Variants in GRIK4 observed in about 807,000 individuals in gnomAD.
The protein encoded by GRIK4 is glutamate receptor ionotropic, kainate 4.
Under a neutral mutation model 104.9 loss-of-function variants are expected in GRIK4, and 40 were observed. The observed-to-expected ratio is 0.38, with a 90% confidence interval of 0.30 to 0.50. The LOEUF (loss-of-function observed/expected upper bound fraction) is 0.50. GRIK4 is among the 20% of genes least tolerant of loss of function. GRIK4 has a pLI of 0.93. For synonymous variants in GRIK4, 485 were observed against 524.9 expected (o/e 0.92, Z 1.04); for missense variants, 1,047 against 1,308.1 (o/e 0.80, Z 3.08).
intron 13 of GRIK4, chr11:120,936,429 G>A (rs75469535): frequency 0.026 from 6,343 of 244,416 alleles, 426 homozygotes; most frequent in African/African-American, 0.14. Context: ...AGAGATACGG[G>A]TTTCATTTCT....
At chr11:120,936,022 AC>A (rs1206742457) in intron 13 of GRIK4, 26 of 211,172 alleles carry the variant, frequency 1.2e-4, no homozygotes, top group Middle Eastern at 1.7e-3. Flanking sequence ...ATGCTCTAGA[AC>A]CAACTTCGTC....
At chr11:120,793,152 A>G (rs1952433908) in intron 3 of GRIK4, among the ~76,000 whole-genome samples, 1 of 152,184 alleles carries the variant, frequency 6.6e-6, no homozygotes, top group Non-Finnish European at 1.5e-5. Flanking sequence ...GCAAAAATGA[A>G]TATTGATGTT....
At position 120,819,070 on chromosome 11, in the gene GRIK4, A is replaced by G. The variant is rs921037678; in HGVS notation, c.346-685A>G. Among the ~76,000 whole-genome samples the G allele has an allele frequency of 1.3e-5, 2 of 152,222 alleles. No homozygotes were observed. Among genetic ancestry groups the G allele is most frequent in the Non-Finnish European group, 2.9e-5 (2 of 68,036 alleles). On this transcript the variant is annotated intron_variant, in intron 5 of 20. Transcript: ENST00000527524. The surrounding 1 kb of genome is among the most constrained non-coding windows in gnomAD (Gnocchi z 4.3). ...TGGGTCCTGGAAATGTCAGTAATAGATGCAGAGGGAAGCTGACACTGTCCT... is the reference window on the plus strand; with the variant it reads ...TGGGTCCTGGAAATGTCAGTAATAGGTGCAGAGGGAAGCTGACACTGTCCT...
chr11:120,855,327 T>A (rs1954076319), intron 8 of GRIK4, among the ~76,000 whole-genome samples: 1 of 152,206 alleles, frequency 6.6e-6, no homozygotes, highest in South Asian at 2.1e-4. Flanking sequence ...CTGTGACTCC[T>A]TTTCTGGGTT....
rs1954750111 is a variant in GRIK4 at position 120,875,214 on chromosome 11, T to C, written c.1135T>C (p.Leu379=). 6.2e-7 allele frequency: 1 copy of C among 1,613,000 alleles called. No individual in the cohort carries two copies. The part of the protein sequence containing the change: ...GQRSNYALKI[L]QFTRNGFRQI... The stretch of plus-strand genomic sequence containing the variant: ...GAGGTCCAACTACGCTTTGAAAATC[T>C]TACAGTTCACAAGGAATGGTTTTCG... The change falls in exon 11 of 21, where the codon TTA becomes CTA. Residue 379 remains leucine (L), a synonymous_variant. Transcript: ENST00000527524.
At chr11:120,565,242 T>A (rs1948306104) in intron 1 of GRIK4, among the ~76,000 whole-genome samples, 1 of 152,200 alleles carries the variant, frequency 6.6e-6, no homozygotes, top group Non-Finnish European at 1.5e-5. Context: ...GCTGCTGACC[T>A]CATTAGGCCT....
chr11:120,658,561 T>C (rs1255312042), intron 2 of GRIK4, among the ~76,000 whole-genome samples: 4 of 152,044 alleles, frequency 2.6e-5, no homozygotes, highest in Non-Finnish European at 5.9e-5. Flanking sequence ...AAAATCATTA[T>C]AGTGAGTGTA....
intron 1 of GRIK4, among the ~76,000 whole-genome samples, chr11:120,557,934 C>T (rs937608828): frequency 1.4e-5 from 2 of 141,964 alleles, no homozygotes; most frequent in South Asian, 2.3e-4. Context: ...AGGAGAATGG[C>T]GTGAACCAGG....
chr11:120,524,963 G>C lies in GRIK4; in HGVS notation c.-159+13076G>C, dbSNP rs139822915. On this transcript the variant is annotated intron_variant, in intron 1 of 20. Transcript: ENST00000527524. This position sits in a 1 kb window ranked among gnomAD's most constrained non-coding sequence, Gnocchi z 4.5. ...ACCTTCCGTCTTCTTGGCTTCTGGAGCCCATCAGGGGCTGCACCATGAATG... is the reference window on the plus strand; with the variant it reads ...ACCTTCCGTCTTCTTGGCTTCTGGACCCCATCAGGGGCTGCACCATGAATG... 2.9e-3 allele frequency among the ~76,000 whole-genome samples: 447 copies of C among 152,286 alleles called. 1 individual carries two copies. Among genetic ancestry groups the C allele is most frequent in the African/African-American group, 0.01 (435 of 41,572 alleles).
At chr11:120,605,287 T>C (rs148588610) in intron 1 of GRIK4, among the ~76,000 whole-genome samples, 3 of 152,322 alleles carry the variant, frequency 2.0e-5, no homozygotes, top group East Asian at 1.9e-4. Flanking sequence ...GCATCACTCA[T>C]GCAATAAAGT....
At chr11:120,955,670 G>A (rs1683706374) in intron 15 of GRIK4, among the ~76,000 whole-genome samples, 1 of 152,160 alleles carries the variant, frequency 6.6e-6, no homozygotes, top group Non-Finnish European at 1.5e-5. Context: ...TCACCCCAAG[G>A]CACAGAGCTT....
At chr11:120,685,021 AG>A (rs1950254279) in intron 3 of GRIK4, among the ~76,000 whole-genome samples, 1 of 152,220 alleles carries the variant, frequency 6.6e-6, no homozygotes, top group Non-Finnish European at 1.5e-5. Flanking sequence ...TAAGCTGTGA[AG>A]GAAGTCAGAT....
At chr11:120,813,931 A>C (rs1952880065) in intron 4 of GRIK4, among the ~76,000 whole-genome samples, 1 of 152,210 alleles carries the variant, frequency 6.6e-6, no homozygotes, top group South Asian at 2.1e-4. Context: ...CTCTGATACC[A>C]CAGTGTGTGC....
intron 18 of GRIK4, among the ~76,000 whole-genome samples, chr11:120,965,504 A>G (rs561696165): frequency 2.6e-5 from 4 of 151,836 alleles, no homozygotes; most frequent in Non-Finnish European, 5.9e-5. Flanking sequence ...TTCGGGTCCA[A>G]CAATGTGTAA....
intron 3 of GRIK4, among the ~76,000 whole-genome samples, chr11:120,717,356 G>C (rs564523795): frequency 6.6e-6 from 1 of 152,168 alleles, no homozygotes; most frequent in East Asian, 1.9e-4. Flanking sequence ...GAGGTGAGAT[G>C]TTACTGCCCC....
chr11:120,940,043 C>A lies in GRIK4; in HGVS notation c.1477-304C>A, dbSNP rs1943685377. Among the ~76,000 whole-genome samples, 1 of 152,024 alleles carries A rather than the reference C, an allele frequency of 6.6e-6. No individual in the cohort carries two copies. The highest frequency in any genetic ancestry group is 2.4e-5 in the African/African-American group (1 of 41,374). The stretch of plus-strand genomic sequence containing the variant: ...AATCTGCCAATTTCCTCCTCCCAAG[C>A]CCCTACCCTAGGACACTTTGAGACT... On this transcript the variant is annotated intron_variant, in intron 13 of 20. Transcript: ENST00000527524. The surrounding 1 kb of genome is among the most constrained non-coding windows in gnomAD (Gnocchi z 4.3).
At chr11:120,836,967 G>A (rs1294258788) in intron 8 of GRIK4, 123 bp downstream of exon 8, 5 of 650,794 alleles carry the variant, frequency 7.7e-6, no homozygotes, top group African/African-American at 1.8e-5. Flanking sequence ...AGGAGCAGAA[G>A]CCAACCAGAG....
chr11:120,603,382 G>C (rs1448290186), intron 1 of GRIK4, among the ~76,000 whole-genome samples: 2 of 152,202 alleles, frequency 1.3e-5, no homozygotes, highest in Non-Finnish European at 2.9e-5. Flanking sequence ...TGGCCATCTT[G>C]GGTGTATTCC....
chr11:120,833,117 G>A (rs894191313), intron 7 of GRIK4, among the ~76,000 whole-genome samples: 10 of 150,172 alleles, frequency 6.7e-5, no homozygotes, highest in Non-Finnish European at 8.9e-5. Context: ...TCCTCAGCTC[G>A]TTTTTGACTC....
Sources: allele counts gnomAD v4.1 joint callset (sites outside exome capture counted in the v4.1 genomes callset), GRCh38; gene constraint gnomAD v4.1.1; non-coding constraint Gnocchi (gnomAD v3.1); transcripts MANE v1.5; gene names NCBI Gene and HGNC (gene_info 2026-07-23, HGNC 2026-07-21).